Variants in ZNRF1 observed in about 807,000 individuals in gnomAD.
ZNRF1 encodes zinc and ring finger 1.
In ZNRF1, 3 loss-of-function variants were observed where a neutral mutation model predicts 18.4. That is an observed-to-expected ratio of 0.16 (90% CI 0.07 to 0.42). The LOEUF is 0.42. Among genes scored for constraint, ZNRF1 ranks in the 10% least tolerant of loss-of-function variants. The pLI is 0.99. For synonymous variants in ZNRF1, 157 were observed against 144.2 expected (o/e 1.09, Z -0.64); for missense variants, 310 against 329.8 (o/e 0.94, Z 0.47).
chr16:75,107,505 C>T (rs2036331822), intron 4 of ZNRF1: 2 of 337,614 alleles, frequency 5.9e-6, no homozygotes, highest in Admixed American at 4.1e-5. Context: ...TTTACCTCCA[C>T]CTCAAAAACT....
intron 1 of ZNRF1, among the ~76,000 whole-genome samples, chr16:75,031,813 C>T (rs549103563): frequency 2.7e-4 from 41 of 152,236 alleles, no homozygotes; most frequent in African/African-American, 7.9e-4. Context: ...TATATACCTA[C>T]GAGTAGAATT....
At chr16:75,084,288 G>A (rs1410946671) in intron 1 of ZNRF1, 1 of 152,200 alleles carries the variant, frequency 6.6e-6, no homozygotes, top group Non-Finnish European at 1.5e-5. Flanking sequence ...GAACAGCATT[G>A]ATGACTTACC....
chr16:75,016,019 C>T (rs148007562), intron 1 of ZNRF1, among the ~76,000 whole-genome samples: 151 of 150,604 alleles, frequency 1.0e-3, no homozygotes, highest in Non-Finnish European at 1.9e-3. Context: ...CTCCCGGGTT[C>T]ATACCATTCT....
intron 1 of ZNRF1, among the ~76,000 whole-genome samples, chr16:75,029,653 C>T (rs900705639): frequency 1.3e-5 from 2 of 150,304 alleles, no homozygotes; most frequent in East Asian, 2.0e-4. Flanking sequence ...CCTGTAGCCC[C>T]AGCTGAGGCT....
At chr16:75,050,194 A>T (rs949681359) in intron 1 of ZNRF1, among the ~76,000 whole-genome samples, 1 of 152,186 alleles carries the variant, frequency 6.6e-6, no homozygotes, top group Non-Finnish European at 1.5e-5. Context: ...CATGGTATGG[A>T]TGGACCACGG....
intron 1 of ZNRF1, among the ~76,000 whole-genome samples, chr16:75,018,676 A>G (rs2035102467): frequency 6.6e-6 from 1 of 152,164 alleles, no homozygotes; most frequent in African/African-American, 2.4e-5. Flanking sequence ...TTTCAGTTGT[A>G]AATGATTTGA....
intron 1 of ZNRF1, among the ~76,000 whole-genome samples, chr16:75,040,024 T>C (rs1016869494): frequency 1.3e-5 from 2 of 148,458 alleles, no homozygotes; most frequent in Non-Finnish European, 3.0e-5. Context: ...TAAAATCTTT[T>C]GTTTCTTTCT....
intron 1 of ZNRF1, among the ~76,000 whole-genome samples, chr16:75,013,467 C>T (rs966267040): frequency 6.6e-6 from 1 of 152,098 alleles, no homozygotes; most frequent in African/African-American, 2.4e-5. Context: ...CTGCCTCAGC[C>T]TCCCGAGTAG....
At chr16:75,074,887 A>G (rs1177677384) in intron 1 of ZNRF1, among the ~76,000 whole-genome samples, 1 of 152,174 alleles carries the variant, frequency 6.6e-6, no homozygotes, top group Non-Finnish European at 1.5e-5. Context: ...GGGCAACATA[A>G]CAAGGCCCTG....
rs139747344 is a variant in ZNRF1, at chr16:75,093,745, C to G, written c.520+78C>G. On this transcript the variant is annotated intron_variant, in intron 2 of 4. Coordinates refer to ENST00000335325, the MANE Select transcript of ZNRF1 (RefSeq NM_032268.5). ...GCCAGTCCTTGTGGGAGCCTCCAGT[C>G]GAGGGTGGTTCTGGGCAGTATTTTC... is the stretch of plus-strand genomic sequence containing the variant. The G allele has an allele frequency of 1.1e-3, 1,341 of 1,205,560 alleles. 1 individual carries two copies. The highest frequency in any genetic ancestry group is 1.5e-3 in the Non-Finnish European group (1,189 of 816,210). The allele number at this position is 1,205,560 out of a possible 1,614,324, so 74.7% of individuals were successfully genotyped here. A position where few individuals can be genotyped will look rare whatever the true frequency, so the allele number is the denominator to read the frequency against.
chr16:75,032,166 G>T (rs2035314494), intron 1 of ZNRF1, among the ~76,000 whole-genome samples: 1 of 142,532 alleles, frequency 7.0e-6, no homozygotes, highest in South Asian at 2.2e-4. Flanking sequence ...CTGGAGTGCA[G>T]TGGTACGGTC....
At chr16:75,022,926 A>T (rs943814521) in intron 1 of ZNRF1, among the ~76,000 whole-genome samples, 22 of 152,192 alleles carry the variant, frequency 1.4e-4, no homozygotes, top group African/African-American at 5.3e-4. Flanking sequence ...GAATTCAGAG[A>T]CGGTGTTGCA....
rs77522202 is a variant in ZNRF1, at chr16:75,069,317, C to A, written c.425-24255C>A. Among the ~76,000 whole-genome samples the A allele has an allele frequency of 7.2e-3, 1,103 of 152,308 alleles. 12 individuals are homozygous for A. The highest frequency in any genetic ancestry group is 0.026 in the African/African-American group (1,071 of 41,576). ...CACTGCTCTCTTATATTTCCTGTAT[C>A]CACCATCTTTGCCCAGGTGTTTAAC... is the stretch of plus-strand genomic sequence containing the variant. On this transcript the variant is annotated intron_variant, in intron 1 of 4. Transcript: ENST00000335325.
chr16:75,053,662 C>G (rs577084624), intron 1 of ZNRF1, among the ~76,000 whole-genome samples: 79 of 151,982 alleles, frequency 5.2e-4, no homozygotes, highest in African/African-American at 1.7e-3. Context: ...GTGAGCTTCC[C>G]TAATGCCCAT....
chr16:75,000,763 C>T (rs2034838128), intron 1 of ZNRF1, among the ~76,000 whole-genome samples: 1 of 152,192 alleles, frequency 6.6e-6, no homozygotes, highest in Admixed American at 6.5e-5. Flanking sequence ...GGCTTGGCTC[C>T]GCGACTCTCG....
intron 1 of ZNRF1, among the ~76,000 whole-genome samples, chr16:75,018,363 TG>T (rs374782699): frequency 1.6e-3 from 241 of 152,342 alleles, no homozygotes; most frequent in African/African-American, 5.6e-3. Context: ...TCACACCCTT[TG>T]CAAATAATGA....
At chr16:75,107,620 G>T in intron 4 of ZNRF1, 113 bp from the exon 5 acceptor site, 3 of 434,030 alleles carry the variant, frequency 6.9e-6, no homozygotes, top group South Asian at 4.8e-5. Flanking sequence ...TGGCTTCTGG[G>T]GTCCTGTGTA....
At chr16:75,098,219 T>C (rs1173482104) in intron 2 of ZNRF1, among the ~76,000 whole-genome samples, 1 of 151,648 alleles carries the variant, frequency 6.6e-6, no homozygotes, top group African/African-American at 2.4e-5. Context: ...CGCTGCTGGG[T>C]GTATGAGGAG....
At chr16:75,010,701 G>GTTTTTTGT (rs2034983966) in intron 1 of ZNRF1, among the ~76,000 whole-genome samples, 1 of 63,768 alleles carries the variant, frequency 1.6e-5, no homozygotes, top group African/African-American at 4.5e-5. Flanking sequence ...GTACTGTACT[G>GTTTTTTGT]TTTTTTTTTG....
Sources: gnomAD v4.1 joint callset for allele counts (sites outside exome capture counted in the v4.1 genomes callset) on GRCh38, gnomAD v4.1.1 for gene constraint, MANE v1.5 for transcripts, NCBI Gene and HGNC (gene_info 2026-07-23, HGNC 2026-07-21) for gene names.